CCDC91: variants seen among roughly 807,000 people sequenced by gnomAD.
The protein encoded by CCDC91 is coiled-coil domain-containing protein 91.
Under a neutral mutation model 63.2 loss-of-function variants are expected in CCDC91, and 48 were observed. The observed-to-expected ratio is 0.76, with a 90% CI of 0.60 to 0.97. The LOEUF is 0.97. CCDC91 is among the 50% of genes least tolerant of loss of function. The pLI is 0.00. For missense variants in CCDC91, 500 were observed against 494.6 expected, an observed-to-expected ratio of 1.01 and a Z score of -0.10; for synonymous variants, 167 against 165.8, an observed-to-expected ratio of 1.01 and a Z score of -0.06.
At chr12:28,412,584 A>AAG (rs1249107190) in intron 8 of CCDC91, among the ~76,000 whole-genome samples, 1 of 152,136 alleles carries the variant, frequency 6.6e-6, no homozygotes, top group Non-Finnish European at 1.5e-5. Context: ...ACAGCTCTTG[A>AAG]AGATGGCACG....
intron 12 of CCDC91, among the ~76,000 whole-genome samples, chr12:28,501,329 T>C (rs1937824298): frequency 1.3e-5 from 2 of 151,874 alleles, no homozygotes; most frequent in Non-Finnish European, 2.9e-5. Flanking sequence ...TTCAGTATGA[T>C]ATTGGCTGTG....
chr12:28,485,060 G>A (rs1243016979), intron 12 of CCDC91, among the ~76,000 whole-genome samples: 2 of 151,802 alleles, frequency 1.3e-5, no homozygotes, highest in Non-Finnish European at 2.9e-5. Flanking sequence ...TGGTCAAAAT[G>A]GCAAAATAAA....
At chr12:28,314,973 C>T (rs560018328) in intron 6 of CCDC91, among the ~76,000 whole-genome samples, 175 of 151,834 alleles carry the variant, frequency 1.2e-3, no homozygotes, top group African/African-American at 3.9e-3. Context: ...AGGTTAAATA[C>T]TAAAATTTGG....
chr12:28,236,574 A>G (rs1944962932), intron 1 of CCDC91: 1 of 152,030 alleles, frequency 6.6e-6, no homozygotes, highest in African/African-American at 2.4e-5. Context: ...ATATTAAAAT[A>G]TGTCTCAGAT....
intron 8 of CCDC91, among the ~76,000 whole-genome samples, chr12:28,435,058 T>A (rs1223097769): frequency 6.6e-6 from 1 of 151,724 alleles, no homozygotes; most frequent in Admixed American, 6.6e-5. Flanking sequence ...TTACTGATTT[T>A]TATTGATCAA....
At chr12:28,221,210 G>T (rs1484676656) in intron 1 of CCDC91, among the ~76,000 whole-genome samples, 1 of 150,942 alleles carries the variant, frequency 6.6e-6, no homozygotes, top group Admixed American at 6.6e-5. Context: ...TATGTTTTTT[G>T]TTTCAAAGTT....
At chr12:28,478,154 G>C (rs1434610517) in intron 11 of CCDC91, among the ~76,000 whole-genome samples, 1 of 152,128 alleles carries the variant, frequency 6.6e-6, no homozygotes, top group African/African-American at 2.4e-5. Flanking sequence ...GCATTGCCAA[G>C]TCAATCCTAA....
At chr12:28,240,409 A>G (rs1270498552) in intron 1 of CCDC91, among the ~76,000 whole-genome samples, 1 of 152,144 alleles carries the variant, frequency 6.6e-6, no homozygotes, top group African/African-American at 2.4e-5. Context: ...AAACTGAGAT[A>G]AATTATATTT....
At chr12:28,303,574 CTG>C (rs1204145383) in intron 3 of CCDC91, among the ~76,000 whole-genome samples, 2 of 152,138 alleles carry the variant, frequency 1.3e-5, no homozygotes, top group East Asian at 3.9e-4. Flanking sequence ...CAGAATGAAA[CTG>C]TTAATAGTTT....
chr12:28,415,289 T>A (rs1473129756), intron 8 of CCDC91, among the ~76,000 whole-genome samples: 15 of 152,222 alleles, frequency 9.9e-5, no homozygotes, highest in Non-Finnish European at 1.5e-4. Flanking sequence ...AATAGCACGA[T>A]CTCGGCTCAC....
chr12:28,287,696 GT>G (rs1555175311), intron 3 of CCDC91, among the ~76,000 whole-genome samples: 1 of 151,910 alleles, frequency 6.6e-6, no homozygotes, highest in Non-Finnish European at 1.5e-5. Flanking sequence ...CTATTTTTTG[GT>G]TCCATATGAA....
rs113412099 is a variant in CCDC91 at position 28,306,139 on chromosome 12, G to A, written c.267+333G>A. ...AAGAATAAGTATTTCTCTTTTCAGC[G>A]AATCTTACCGCACATTTTCAGGTAT... is the stretch of plus-strand genomic sequence containing the variant. On this transcript the variant is annotated intron_variant, in intron 4 of 12. Transcript: ENST00000536442. Among the ~76,000 whole-genome samples the A allele has an allele frequency of 1.1e-4, 16 of 152,126 alleles. 1 individual carries two copies. Among genetic ancestry groups the A allele is most frequent in the African/African-American group, 3.4e-4 (14 of 41,518 alleles).
chr12:28,425,300 C>G (rs1948246821), intron 8 of CCDC91, among the ~76,000 whole-genome samples: 1 of 152,132 alleles, frequency 6.6e-6, no homozygotes, highest in Admixed American at 6.6e-5. Flanking sequence ...TCAGGCAACT[C>G]TGTCAAACCT....
chr12:28,437,774 G>C (rs571420407), intron 8 of CCDC91, among the ~76,000 whole-genome samples: 5 of 151,558 alleles, frequency 3.3e-5, no homozygotes, highest in African/African-American at 1.2e-4. Flanking sequence ...AAAATAATTT[G>C]GGTAAAATTC....
chr12:28,220,786 C>G (rs1219331988), intron 1 of CCDC91, among the ~76,000 whole-genome samples: 1 of 152,008 alleles, frequency 6.6e-6, no homozygotes, highest in Admixed American at 6.6e-5. Context: ...TTACATGGTT[C>G]TGGCAATAAG....
At chr12:28,359,165 A>G (rs542247690) in intron 6 of CCDC91, among the ~76,000 whole-genome samples, 11 of 152,196 alleles carry the variant, frequency 7.2e-5, no homozygotes, top group Non-Finnish European at 1.2e-4. Context: ...AAGTGCTGGG[A>G]TTACGGGCGT....
chr12:28,208,510 C>T (rs1943005192), intron 1 of CCDC91, among the ~76,000 whole-genome samples: 1 of 152,124 alleles, frequency 6.6e-6, no homozygotes, highest in Admixed American at 6.5e-5. Context: ...TTAAATGCTT[C>T]AGGGGCCCTC....
intron 12 of CCDC91, among the ~76,000 whole-genome samples, chr12:28,488,490 A>T (rs1223635146): frequency 1.3e-5 from 2 of 151,874 alleles, no homozygotes; most frequent in African/African-American, 4.8e-5. Flanking sequence ...AGTTTTAGTA[A>T]TAAAAATGCC....
intron 1 of CCDC91, among the ~76,000 whole-genome samples, chr12:28,194,966 C>G (rs1365655242): frequency 6.6e-6 from 1 of 152,156 alleles, no homozygotes; most frequent in Non-Finnish European, 1.5e-5. Context: ...AAAGAGTGAG[C>G]AGCAGCAAGA....
Sources: allele counts gnomAD v4.1 joint callset (sites outside exome capture counted in the v4.1 genomes callset), GRCh38; gene constraint gnomAD v4.1.1; transcripts MANE v1.5; gene names NCBI Gene and HGNC (gene_info 2026-07-23, HGNC 2026-07-21).